The following MCC variants were observed in gnomAD, a reference collection of about 807,000 sequenced individuals.
MCC encodes colorectal mutant cancer protein.
Under a neutral mutation model 116.2 loss-of-function variants are expected in MCC, and 90 were observed. The observed-to-expected ratio is 0.77, with a 90% confidence interval of 0.65 to 0.92. The LOEUF (loss-of-function observed/expected upper bound fraction) is 0.92. Ranked by LOEUF, MCC falls within the 40% of genes least tolerant of loss-of-function variation. The pLI, the probability that MCC is intolerant of heterozygous loss-of-function variation, is 0.00. For synonymous variants in MCC, 578 were observed against 510.5 expected (o/e 1.13, Z -1.78); for missense variants, 1,516 against 1,312.2 (o/e 1.16, Z -2.40).
rs370626526 is a variant in MCC, at chr5:113,434,337, C to T, written c.171-49125G>A. 1.2e-4 allele frequency: 199 copies of T among 1,613,630 alleles called. No individual in the cohort carries two copies. Among genetic ancestry groups the T allele is most frequent in the Non-Finnish European group, 1.6e-4 (186 of 1,179,798 alleles). On this transcript the variant is annotated intron_variant, in intron 1 of 18. Coordinates refer to ENST00000408903, the MANE Select transcript of MCC (RefSeq NM_001085377.2). The surrounding 1 kb of genome is among the most constrained non-coding windows in gnomAD (Gnocchi z 4.2). ...ACAGAAGGTCTTGCTTAATGCCATT[C>T]GACCACTGTCATCCCGCAGGCAGCG... is the stretch of plus-strand genomic sequence containing the variant.
chr5:113,451,167 G>T (rs2150420163), intron 1 of MCC, among the ~76,000 whole-genome samples: 1 of 152,216 alleles, frequency 6.6e-6, no homozygotes, highest in South Asian at 2.1e-4. Context: ...CCTATAAGAT[G>T]CTTTATCTCA....
intron 3 of MCC, among the ~76,000 whole-genome samples, chr5:113,189,167 C>A (rs1303731437): frequency 6.6e-6 from 1 of 152,132 alleles, no homozygotes; most frequent in Admixed American, 6.5e-5. Flanking sequence ...TGCACTGAGC[C>A]CAGTGACAGC....
rs1273357165 is a variant in MCC at position 113,022,747 on chromosome 5, A to G, written c.*4555T>C. On this transcript the variant is annotated 3_prime_UTR_variant, in exon 19 of 19. Transcript: ENST00000408903. ...GTGTGAATGTGGGGGAAATTTGTGT[A>G]TAACTTGCTTTGTTCTGCTGAGCTG... 6.6e-6 allele frequency: 1 copy of G among 152,250 alleles called. No homozygotes were observed. The allele number at this position is 152,250 out of a possible 1,614,324, so 9.4% of individuals were successfully genotyped here. A position where few individuals can be genotyped will look rare whatever the true frequency, so the allele number is the denominator to read the frequency against.
chr5:113,201,231 C>T (rs1581244953), intron 3 of MCC, among the ~76,000 whole-genome samples: 1 of 152,050 alleles, frequency 6.6e-6, no homozygotes, highest in African/African-American at 2.4e-5. Flanking sequence ...ACTAAAAATA[C>T]AAAATTAGCT....
intron 6 of MCC, among the ~76,000 whole-genome samples, chr5:113,105,595 C>G (rs1017761398): frequency 6.6e-6 from 1 of 152,190 alleles, no homozygotes; most frequent in African/African-American, 2.4e-5. Flanking sequence ...AGGCAACCTT[C>G]TATGCCTTTG....
Position 113,101,759 on chromosome 5 carries a change from G to A in MCC, c.1378C>T (p.Arg460Trp), listed in dbSNP as rs1408285268. The A allele has an allele frequency of 6.2e-7, 1 of 1,613,124 alleles. No homozygotes were observed. The highest frequency in any genetic ancestry group is 8.5e-7 in the Non-Finnish European group (1 of 1,179,984). The change falls in exon 8 of 19, where the codon CGG (arginine) becomes TGG (tryptophan). Residue 460 changes from arginine to tryptophan, a missense_variant. Coordinates refer to ENST00000408903, the MANE Select transcript of MCC (RefSeq NM_001085377.2). ...KATMNAIREE[R>W]DRLRRRVREL... ...CTCACCCTCCTCCGGAGCCGGTCCC[G>A]CTCTTCCCGGATGGCATTCATGGTG...
At chr5:113,035,909 G>C (rs1365920303) in intron 17 of MCC, among the ~76,000 whole-genome samples, 2 of 151,216 alleles carry the variant, frequency 1.3e-5, no homozygotes, top group Non-Finnish European at 2.9e-5. Flanking sequence ...CCAGGCAGCA[G>C]ATAACAGCTG....
chr5:113,316,591 A>T (rs1190981159), intron 3 of MCC, among the ~76,000 whole-genome samples: 1 of 152,214 alleles, frequency 6.6e-6, no homozygotes, highest in Non-Finnish European at 1.5e-5. Flanking sequence ...TGGCACATCT[A>T]ATCTGCAATC....
In MCC at chr5:113,294,422, G is replaced by A. The variant is rs565099746; in HGVS notation, c.627+46097C>T. On this transcript the variant is annotated intron_variant, in intron 3 of 18. Transcript: ENST00000408903. ...CAGAGCTGGGCTCTCAGTCCCCCAG[G>A]TCTCGGAGCTTAAGAGTTGGACTTC... 3.7e-4 allele frequency: 595 copies of A among 1,613,316 alleles called. 14 individuals carry two copies. In the South Asian group the frequency reaches 6.2e-3, roughly 17 times the overall value.
At chr5:113,082,266 G>C (rs1561791515) in intron 11 of MCC, among the ~76,000 whole-genome samples, 1 of 152,252 alleles carries the variant, frequency 6.6e-6, no homozygotes, top group Non-Finnish European at 1.5e-5. Context: ...AGGGATCCAA[G>C]ACTGAGCACA....
chr5:113,093,444 A>G (rs757237959), intron 8 of MCC, among the ~76,000 whole-genome samples: 1 of 151,444 alleles, frequency 6.6e-6, no homozygotes, highest in African/African-American at 2.4e-5. Flanking sequence ...CAGATCCCAT[A>G]TCTATCTTAT....
intron 3 of MCC, among the ~76,000 whole-genome samples, chr5:113,249,963 A>G (rs1764730876): frequency 6.6e-6 from 1 of 152,232 alleles, no homozygotes; most frequent in Admixed American, 6.5e-5. Context: ...AAGCCAAAAA[A>G]GTGGCGGAGG....
chr5:113,261,062 C>G (rs1298875433), intron 3 of MCC, among the ~76,000 whole-genome samples: 1 of 152,156 alleles, frequency 6.6e-6, no homozygotes, highest in Non-Finnish European at 1.5e-5. Flanking sequence ...AAGTTGTCGA[C>G]TTACGATGGG....
chr5:113,455,280 C>A (rs944686908), intron 1 of MCC, among the ~76,000 whole-genome samples: 8 of 152,188 alleles, frequency 5.3e-5, no homozygotes, highest in Admixed American at 2.6e-4. Flanking sequence ...TGAAAGGCCA[C>A]CTGCCTGCTA....
chr5:113,142,454 C>T (rs1181420406), intron 5 of MCC, among the ~76,000 whole-genome samples: 1 of 151,900 alleles, frequency 6.6e-6, no homozygotes, highest in African/African-American at 2.4e-5. Context: ...ATCACTGTGG[C>T]AGGAGACTTA....
chr5:113,182,664 G>C (rs1201590497), intron 3 of MCC, among the ~76,000 whole-genome samples: 1 of 152,150 alleles, frequency 6.6e-6, no homozygotes, highest in Non-Finnish European at 1.5e-5. Flanking sequence ...TAATGCACTT[G>C]ATACTTCCTT....
At chr5:113,065,159 A>C (rs1414671936) in intron 13 of MCC, among the ~76,000 whole-genome samples, 1 of 152,208 alleles carries the variant, frequency 6.6e-6, no homozygotes, top group Non-Finnish European at 1.5e-5. Flanking sequence ...TAGAATGTAC[A>C]GCACCAAGAA....
intron 1 of MCC, among the ~76,000 whole-genome samples, chr5:113,453,568 T>C (rs940668449): frequency 2.6e-5 from 4 of 152,144 alleles, no homozygotes; most frequent in African/African-American, 9.7e-5. Context: ...TGAACCACCA[T>C]GAAAGGTATT....
rs140216845 is a variant in MCC at position 113,334,018 on chromosome 5, T to C, written c.627+6501A>G. On this transcript the variant is annotated intron_variant, in intron 3 of 18. Transcript: ENST00000408903. ...GGCTTCTTTTATAGTATAATTAATT[T>C]TAGTGTACATCAATTAATACTTTTA... 2.0e-3 allele frequency among the ~76,000 whole-genome samples: 292 copies of C among 146,170 alleles called. 7 individuals are homozygous for C. Among genetic ancestry groups the C allele is most frequent in the African/African-American group, 7.1e-3 (281 of 39,374 alleles).
Sources: gnomAD v4.1 joint callset for allele counts (sites outside exome capture counted in the v4.1 genomes callset) on GRCh38, gnomAD v4.1.1 for gene constraint, Gnocchi (gnomAD v3.1) non-coding constraint, MANE v1.5 for transcripts, NCBI Gene and HGNC (gene_info 2026-07-23, HGNC 2026-07-21) for gene names.